Variants in OBP2B observed in about 807,000 individuals in gnomAD.
OBP2B encodes odorant binding protein 2B, also known as odorant-binding protein 2b.
OBP2B carries 10 observed loss-of-function variants against 21.7 expected under a neutral mutation model. The ratio of observed to expected loss-of-function variants is 0.46; its 90% CI spans 0.28 to 0.78. The LOEUF (loss-of-function observed/expected upper bound fraction) is 0.78, where lower values mean the gene tolerates loss of function less well. Among genes scored for constraint, OBP2B ranks in the 30% least tolerant of loss-of-function variants. OBP2B has a pLI of 0.11. For synonymous variants in OBP2B, 73 were observed against 91.5 expected, an observed-to-expected ratio of 0.80 and a Z score of 1.16; for missense variants, 153 against 217.7, an observed-to-expected ratio of 0.70 and a Z score of 1.87.
chr9:133,217,936 T>C, the OBP2B span, among the ~76,000 whole-genome samples: 1 of 152,360 alleles, frequency 6.6e-6, no homozygotes, highest in African/African-American at 2.4e-5. Flanking sequence ...TGATTGTTCA[T>C]TGTGCAAGCA....
At chr9:133,205,741 T>G in intron 6 of OBP2B, 176 bp downstream of exon 6, 1 of 914,096 alleles carries the variant, frequency 1.1e-6, no homozygotes, top group Non-Finnish European at 1.7e-6. Flanking sequence ...AACAAAGGAC[T>G]TCCCGAATGT....
At position 133,207,910 on chromosome 9, in the gene OBP2B, CA is replaced by C. The variant is rs1564286311; in HGVS notation, c.277+222del. ...TCAATGGCTAGGGCCTCCCAGAGGG[CA>C]GGCGTGATCTGGTCCATCTCGACTG... On this transcript the variant is annotated intron_variant, in intron 3 of 6. Coordinates refer to ENST00000372034, the MANE Select transcript of OBP2B (RefSeq NM_014581.4). 11 of 1,532,800 alleles carry C rather than the reference CA, an allele frequency of 7.2e-6. No individual in the cohort carries two copies. In the Middle Eastern group the frequency reaches 6.7e-4, roughly 93 times the overall value. The allele number at this position is 1,532,800 out of a possible 1,614,324, so 94.9% of individuals were successfully genotyped here. A position where few individuals can be genotyped will look rare whatever the true frequency, so the allele number is the denominator to read the frequency against.
At chr9:133,207,786 T>C (rs760478) in intron 3 of OBP2B, 4 of 1,147,390 alleles carry the variant, frequency 3.5e-6, no homozygotes, top group East Asian at 3.8e-5. Flanking sequence ...AACCCTCAGC[T>C]TCCCCATCCT....
chr9:133,213,792 G>T (rs1325526534), upstream of OBP2B, among the ~76,000 whole-genome samples: 1 of 152,114 alleles, frequency 6.6e-6, no homozygotes, highest in Non-Finnish European at 1.5e-5. Flanking sequence ...AATTTTAAAA[G>T]CTTCCAAAAA....
At chr9:133,214,135 A>G (rs1833947070), upstream of OBP2B, among the ~76,000 whole-genome samples, 1 of 152,248 alleles carries the variant, frequency 6.6e-6, no homozygotes. Context: ...TCAATGCAGA[A>G]AAAGTATTTG....
At chr9:133,210,060 C>G (rs1415385627), upstream of OBP2B, among the ~76,000 whole-genome samples, 12 of 152,300 alleles carry the variant, frequency 7.9e-5, no homozygotes, top group African/African-American at 2.9e-4. Context: ...TGAATCTCAT[C>G]CCTTTAGATA....
At chr9:133,205,810 G>C (rs1389613145) in intron 6 of OBP2B, 107 bp downstream of exon 6, 58 of 1,558,164 alleles carry the variant, frequency 3.7e-5, no homozygotes, top group Non-Finnish European at 4.9e-5. Context: ...ACCCTGGGGG[G>C]GTCTCCCTGG....
Position 133,208,481 on chromosome 9 carries a change from G to A in OBP2B, c.194C>T (p.Thr65Met), listed in dbSNP as rs535995864. 2.5e-6 allele frequency: 4 copies of A among 1,613,794 alleles called. No homozygotes were observed. Among genetic ancestry groups the A allele is most frequent in the East Asian group, 2.2e-5 (1 of 44,878 alleles). Residue 65 changes from threonine (T) to methionine (M), a missense_variant, in exon 2 of 7, where the codon ACG (threonine) becomes ATG (methionine). Transcript: ENST00000372034. Reference sequence around the variant, plus strand: ...GGGCAACACTCACATGAAGGTGAACGTGGCTTCCAACTTCCCACCGCCCAG... The same window carrying A: ...GGGCAACACTCACATGAAGGTGAACATGGCTTCCAACTTCCCACCGCCCAG... ...TALGGGKLEA[T>M]FTFMREDRCI...
At chr9:133,210,726 A>G (rs1251011531), upstream of OBP2B, among the ~76,000 whole-genome samples, 5 of 152,212 alleles carry the variant, frequency 3.3e-5, no homozygotes, top group African/African-American at 1.2e-4. Flanking sequence ...GTCCACGCTC[A>G]GTGCGACGGG....
chr9:133,214,417 T>G, the OBP2B span, among the ~76,000 whole-genome samples: 16 of 152,360 alleles, frequency 1.1e-4, no homozygotes, highest in East Asian at 3.1e-3. Context: ...CCATTCAAAC[T>G]TTCTGGACTG....
upstream of OBP2B, among the ~76,000 whole-genome samples, chr9:133,210,464 C>T (rs1368324349): frequency 2.6e-5 from 4 of 152,124 alleles, no homozygotes; most frequent in African/African-American, 9.7e-5. Flanking sequence ...CTCATCCCCC[C>T]GGGCAGGAAA....
In OBP2B at chr9:133,206,461, C is replaced by T. The variant is rs782081918; in HGVS notation, c.389-45G>A. The T allele has an allele frequency of 1.2e-5, 19 of 1,607,624 alleles. No homozygotes were observed. In the South Asian group the frequency reaches 1.3e-4, roughly 11 times the overall value. ...GTGAGCCGACGTGGGGACAGCGGCA[C>T]GGCCCTGCAGGGAGCAGATGCCGAA... On this transcript the variant is annotated intron_variant, in intron 4 of 6. Coordinates refer to ENST00000372034, the MANE Select transcript of OBP2B (RefSeq NM_014581.4).
Position 133,207,317 on chromosome 9 carries a change from C to T in OBP2B, c.297G>A (p.Met99Ile), listed in dbSNP as rs1132278. ...KYSAYGGRKL[M>I]YLQELPRRDH... ...CCCTCCTGGGCAGCTCCTGCAGGTA[C>T]ATGAGCTTCCTGCCCCCATCTGTAG... The change falls in exon 4 of 7, where the codon ATG becomes ATA. Residue 99 changes from methionine to isoleucine, a missense_variant. By Grantham distance (10) the Met-to-Ile change is conservative. Transcript: ENST00000372034. 12 of 1,611,964 alleles carry T rather than the reference C, an allele frequency of 7.4e-6. No individual in the cohort carries two copies. The South Asian group carries it at 9.9e-5, about 13-fold the overall frequency.
intron 2 of OBP2B, 82 bp downstream of exon 2, chr9:133,208,387 G>A (rs1833813439): frequency 6.9e-6 from 11 of 1,600,644 alleles, no homozygotes; most frequent in East Asian, 2.2e-5. Flanking sequence ...CACCCGAAAC[G>A]TGGATGGGGC....
chr9:133,206,516 A>G, intron 4 of OBP2B, 100 bp from the exon 5 acceptor site: 1 of 1,485,208 alleles, frequency 6.7e-7, no homozygotes, highest in South Asian at 1.2e-5. Flanking sequence ...GCACCAGGAC[A>G]GGGGGAGAGG....
rs782266600 is a variant in OBP2B at position 133,208,252 on chromosome 9, C to T, written c.207-49G>A. On this transcript the variant is annotated intron_variant, in intron 2 of 6. Transcript: ENST00000372034. ...CAGCGGCTCCCAGGACACCCATGGCCCATCCTCAGCTCACCTGGTGCATGG... is the reference window on the plus strand; with the variant it reads ...CAGCGGCTCCCAGGACACCCATGGCTCATCCTCAGCTCACCTGGTGCATGG... The T allele has an allele frequency of 3.1e-6, 5 of 1,609,542 alleles. No individual in the cohort carries two copies. The Admixed American group carries it at 8.3e-5, about 27-fold the overall frequency.
the OBP2B span, among the ~76,000 whole-genome samples, chr9:133,217,574 G>A: frequency 3.3e-5 from 5 of 152,172 alleles, no homozygotes; most frequent in African/African-American, 9.7e-5. Context: ...TCAGGGGACC[G>A]CCCCCAGATG....
At chr9:133,209,352 G>GCATCC (rs1429684808), upstream of OBP2B, 1 of 769,658 alleles carries the variant, frequency 1.3e-6, no homozygotes, top group Non-Finnish European at 2.2e-6. The surrounding 1 kb of genome is among the most constrained non-coding windows in gnomAD (Gnocchi z 6.0). Context: ...AACCAGTCCT[G>GCATCC]CATCCGGGAG....
chr9:133,206,824 G>A (rs1833732224), intron 4 of OBP2B, among the ~76,000 whole-genome samples: 1 of 151,992 alleles, frequency 6.6e-6, no homozygotes, highest in Admixed American at 6.5e-5. Context: ...GGGGACCTGG[G>A]CAGCTCCCAA....
Sources: allele counts gnomAD v4.1 joint callset (sites outside exome capture counted in the v4.1 genomes callset), GRCh38; gene constraint gnomAD v4.1.1; non-coding constraint Gnocchi (gnomAD v3.1); transcripts MANE v1.5; gene names NCBI Gene and HGNC (gene_info 2026-07-23, HGNC 2026-07-21).